The following NCALD variants were observed in gnomAD, a reference collection of about 807,000 sequenced individuals.
NCALD encodes the protein neurocalcin-delta.
NCALD carries 10 observed loss-of-function variants against 18.6 expected under a neutral mutation model. That is an observed-to-expected ratio of 0.54 (90% CI 0.33 to 0.91). The LOEUF (loss-of-function observed/expected upper bound fraction) is 0.91, where lower values mean the gene tolerates loss of function less well. Among genes scored for constraint, NCALD ranks in the 40% least tolerant of loss-of-function variants. NCALD has a pLI of 0.03. For synonymous variants in NCALD, 88 were observed against 87.4 expected (o/e 1.01, Z -0.04); for missense variants, 184 against 247.6 (o/e 0.74, Z 1.72).
chr8:101,875,990 G>T lies in NCALD; in HGVS notation c.-20+11151C>A, dbSNP rs1278977847. Among the ~76,000 whole-genome samples, 6 of 152,178 alleles carry T rather than the reference G, an allele frequency of 3.9e-5. No homozygotes were observed. The South Asian group carries it at 1.2e-3, about 31-fold the overall frequency. On this transcript the variant is annotated intron_variant, in intron 4 of 6. Coordinates refer to the NCALD transcript ENST00000311028. The stretch of plus-strand genomic sequence containing the variant: ...TTGGCCTCTCTTTCCTCTCAAAATT[G>T]TTCAAATCTTTTAGAGACAGTCTTT...
chr8:101,880,426 G>A (rs1032258544), intron 4 of NCALD, among the ~76,000 whole-genome samples: 3 of 152,148 alleles, frequency 2.0e-5, no homozygotes, highest in African/African-American at 7.2e-5. Context: ...AGCTGGCTCT[G>A]GCCTTGGCCA....
intron 1 of NCALD, among the ~76,000 whole-genome samples, chr8:101,748,645 TAAC>T (rs1247354201): frequency 6.6e-6 from 1 of 152,172 alleles, no homozygotes; most frequent in Non-Finnish European, 1.5e-5. Flanking sequence ...TTAATCATCA[TAAC>T]AACACTCTGA....
At chr8:101,970,536 G>T (rs983531171) in intron 2 of NCALD, among the ~76,000 whole-genome samples, 2 of 152,192 alleles carry the variant, frequency 1.3e-5, no homozygotes, top group South Asian at 4.2e-4. Flanking sequence ...TGGTTGTACA[G>T]GCTAACTATT....
intron 1 of NCALD, among the ~76,000 whole-genome samples, chr8:101,788,452 A>T (rs1812319571): frequency 6.6e-6 from 1 of 152,310 alleles, no homozygotes; most frequent in East Asian, 1.9e-4. Flanking sequence ...AGATATCCTG[A>T]AATATCTTTT....
At chr8:101,928,506 T>C (rs765053030) in intron 2 of NCALD, among the ~76,000 whole-genome samples, 8 of 152,150 alleles carry the variant, frequency 5.3e-5, no homozygotes, top group Non-Finnish European at 1.2e-4. Context: ...CATTAACCAT[T>C]ATGAACATCA....
chr8:102,080,338 C>G (rs892035688), intron 1 of NCALD, among the ~76,000 whole-genome samples: 2 of 152,222 alleles, frequency 1.3e-5, no homozygotes, highest in Non-Finnish European at 2.9e-5. Flanking sequence ...GCATTCATTT[C>G]AAGACTGGCC....
intron 1 of NCALD, among the ~76,000 whole-genome samples, chr8:101,735,057 G>A (rs1817013893): frequency 6.6e-6 from 1 of 152,128 alleles, no homozygotes; most frequent in Admixed American, 6.6e-5. Context: ...ACAAAAGGAA[G>A]GAAGCAAGGA....
At chr8:101,865,310 G>A (rs1403702375) in intron 4 of NCALD, among the ~76,000 whole-genome samples, 2 of 152,156 alleles carry the variant, frequency 1.3e-5, no homozygotes, top group Non-Finnish European at 2.9e-5. Flanking sequence ...TTGAGGCACA[G>A]AAGTCAAATA....
Position 102,007,785 on chromosome 8 carries a change from C to T in NCALD, c.-157+12452G>A, listed in dbSNP as rs114871163. The stretch of plus-strand genomic sequence containing the variant: ...TAAGGTTTTTTGCAGTGCATGTCCA[C>T]ACCCTCCCCCAAACTTTGAGTTTCC... On this transcript the variant is annotated intron_variant, in intron 2 of 6. Transcript: ENST00000311028. Among the ~76,000 whole-genome samples the T allele has an allele frequency of 2.4e-3, 371 of 152,318 alleles. 3 individuals are homozygous for T. The highest frequency in any genetic ancestry group is 8.7e-3 in the African/African-American group (360 of 41,566).
At chr8:102,097,144 A>G (rs998453980) in intron 1 of NCALD, among the ~76,000 whole-genome samples, 1 of 152,238 alleles carries the variant, frequency 6.6e-6, no homozygotes, top group East Asian at 1.9e-4. Context: ...GTTCCCAGAT[A>G]GCTTACCTAC....
At chr8:102,103,023 A>C (rs1825337348) in intron 1 of NCALD, among the ~76,000 whole-genome samples, 1 of 152,148 alleles carries the variant, frequency 6.6e-6, no homozygotes, top group African/African-American at 2.4e-5. Context: ...GTATCCTGGG[A>C]AACATATTGT....
intron 1 of NCALD, among the ~76,000 whole-genome samples, chr8:101,735,101 G>A (rs933748751): frequency 1.4e-4 from 22 of 152,096 alleles, no homozygotes; most frequent in Admixed American, 4.6e-4. Flanking sequence ...ATGGATGTTG[G>A]GGTGGAAAGC....
At chr8:101,781,548 T>G (rs1812012923) in intron 1 of NCALD, among the ~76,000 whole-genome samples, 1 of 152,204 alleles carries the variant, frequency 6.6e-6, no homozygotes, top group Non-Finnish European at 1.5e-5. Context: ...GTTTTGTAAG[T>G]GGAAAACATA....
At chr8:101,692,648 T>C in intron 3 of NCALD, 143 bp downstream of exon 3, 1 of 1,375,762 alleles carries the variant, frequency 7.3e-7, no homozygotes, top group South Asian at 1.5e-5. Context: ...GGCCACCTGG[T>C]CCTCTCCCCT....
At chr8:102,055,211 A>G (rs945338314) in intron 1 of NCALD, among the ~76,000 whole-genome samples, 1 of 151,770 alleles carries the variant, frequency 6.6e-6, no homozygotes, top group Non-Finnish European at 1.5e-5. Context: ...ACTATCTCAA[A>G]TCATTCAAGA....
At chr8:101,724,144 C>G (rs1051586955) in intron 1 of NCALD, among the ~76,000 whole-genome samples, 1 of 152,224 alleles carries the variant, frequency 6.6e-6, no homozygotes, top group Non-Finnish European at 1.5e-5. Context: ...TCACACTTAA[C>G]ATTCTTGAAT....
chr8:102,073,841 G>A (rs985309579), intron 1 of NCALD, among the ~76,000 whole-genome samples: 10 of 152,278 alleles, frequency 6.6e-5, no homozygotes, highest in Admixed American at 4.6e-4. Flanking sequence ...TTTCAACAGC[G>A]ACTGGTTGAA....
chr8:101,891,553 C>A (rs1039898528), intron 3 of NCALD, among the ~76,000 whole-genome samples: 4 of 152,214 alleles, frequency 2.6e-5, no homozygotes, highest in Admixed American at 2.0e-4. Flanking sequence ...CAGCTCCCAG[C>A]GTGAGCGACG....
chr8:101,721,958 C>T (rs1357799489), intron 1 of NCALD, among the ~76,000 whole-genome samples: 2 of 151,958 alleles, frequency 1.3e-5, no homozygotes, highest in African/African-American at 4.8e-5. Flanking sequence ...CCTCCTGCCT[C>T]AGCCTCCCAA....
Sources: allele counts gnomAD v4.1 joint callset (sites outside exome capture counted in the v4.1 genomes callset), GRCh38; gene constraint gnomAD v4.1.1; transcripts MANE v1.5; gene names NCBI Gene and HGNC (gene_info 2026-07-23, HGNC 2026-07-21).